Variants in SNX29 observed in about 807,000 individuals in gnomAD.
The protein encoded by SNX29 is sorting nexin 29, also known as sorting nexin-29.
A neutral mutation model predicts 102.1 loss-of-function variants in SNX29; 78 were observed. The ratio of observed to expected loss-of-function variants is 0.76; its 90% CI spans 0.64 to 0.92. The LOEUF (loss-of-function observed/expected upper bound fraction) is 0.92, where lower values mean the gene tolerates loss of function less well. SNX29 is among the 40% of genes least tolerant of loss of function. The probability of loss-of-function intolerance (pLI) is 0.00; values close to 1 mark genes in which losing one functional copy is unlikely to be tolerated. For synonymous variants in SNX29, 580 were observed against 414.5 expected (o/e 1.40, Z -4.85); for missense variants, 1,280 against 1,061.7 (o/e 1.21, Z -2.86).
chr16:12,152,973 G>GACAT (rs2055363017), intron 13 of SNX29, among the ~76,000 whole-genome samples: 1 of 152,184 alleles, frequency 6.6e-6, no homozygotes, highest in Non-Finnish European at 1.5e-5. Context: ...AACGTCCCCT[G>GACAT]CCATCCATCC....
intron 13 of SNX29, among the ~76,000 whole-genome samples, chr16:12,150,795 GC>G (rs2141584954): frequency 6.6e-6 from 1 of 152,302 alleles, no homozygotes; most frequent in Admixed American, 6.5e-5. Context: ...GCAGATTGGG[GC>G]TAATTTGTTT....
At chr16:12,144,867 G>A (rs111339715) in intron 13 of SNX29, among the ~76,000 whole-genome samples, 11 of 152,150 alleles carry the variant, frequency 7.2e-5, no homozygotes, top group Non-Finnish European at 1.5e-4. Context: ...GACTACAGGC[G>A]CCTGCCACCA....
intron 13 of SNX29, 44 bp downstream of exon 13, chr16:12,129,802 C>CA: frequency 6.4e-7 from 1 of 1,552,048 alleles, no homozygotes; most frequent in Non-Finnish European, 8.7e-7. Flanking sequence ...GTGGGGGCTT[C>CA]ATTAAAACCT....
chr16:12,366,796 T>C (rs1250168467), intron 16 of SNX29, among the ~76,000 whole-genome samples: 2 of 152,078 alleles, frequency 1.3e-5, no homozygotes, highest in African/African-American at 2.4e-5. Flanking sequence ...TCCCTCTCTC[T>C]CCTTTTGTTT....
intron 18 of SNX29, among the ~76,000 whole-genome samples, chr16:12,427,277 GT>G (rs140752117): frequency 6.7e-6 from 1 of 149,530 alleles, no homozygotes. Flanking sequence ...CGTTGCTGTT[GT>G]TTTTTTTTGT....
intron 14 of SNX29, among the ~76,000 whole-genome samples, chr16:12,239,299 A>C (rs1163661644): frequency 6.6e-6 from 1 of 152,108 alleles, no homozygotes; most frequent in African/African-American, 2.4e-5. Flanking sequence ...GGTGGTGTGT[A>C]GTGACCAGCT....
At chr16:12,496,309 A>G (rs1168641583) in intron 19 of SNX29, among the ~76,000 whole-genome samples, 2 of 152,048 alleles carry the variant, frequency 1.3e-5, no homozygotes, top group African/African-American at 4.8e-5. Flanking sequence ...GGTGGTGGTG[A>G]TGATAAGTAC....
chr16:12,477,855 A>G lies in SNX29; in HGVS notation c.2174A>G (p.Asn725Ser). 6.2e-7 allele frequency: 1 copy of G among 1,605,762 alleles called. No individual in the cohort carries two copies. Among genetic ancestry groups the G allele is most frequent in the Non-Finnish European group, 8.5e-7 (1 of 1,177,478 alleles). The change falls in exon 19 of 21, where the codon AAC becomes AGC. Residue 725 changes from asparagine to serine, a missense_variant. Coordinates refer to ENST00000566228, the MANE Select transcript of SNX29 (RefSeq NM_032167.5). ...YNFPPKKAIGNKDAKFVEERR... is the reference protein window; with the variant it reads ...YNFPPKKAIGSKDAKFVEERR... ...TTCCCACCCAAAAAGGCCATTGGAAACAAGGTACCATCCCGTGCTGGGAAG... is the reference window on the plus strand; with the variant it reads ...TTCCCACCCAAAAAGGCCATTGGAAGCAAGGTACCATCCCGTGCTGGGAAG...
At chr16:12,349,399 C>T (rs962695937) in intron 15 of SNX29, among the ~76,000 whole-genome samples, 2 of 152,210 alleles carry the variant, frequency 1.3e-5, no homozygotes, top group African/African-American at 4.8e-5. Context: ...ATGAACATTT[C>T]TAGTTTTCTT....
At chr16:12,362,034 G>C (rs931962444) in intron 16 of SNX29, among the ~76,000 whole-genome samples, 1 of 145,640 alleles carries the variant, frequency 6.9e-6, no homozygotes, top group Non-Finnish European at 1.5e-5. Context: ...CGAGTAGCCT[G>C]CTGAATTCCT....
chr16:12,144,525 G>T (rs1025742471), intron 13 of SNX29, among the ~76,000 whole-genome samples: 1 of 152,194 alleles, frequency 6.6e-6, no homozygotes, highest in African/African-American at 2.4e-5. Flanking sequence ...TTATAAAAGG[G>T]CTAGCTGGGC....
chr16:12,349,243 TG>T (rs1429093869), intron 15 of SNX29, among the ~76,000 whole-genome samples: 8 of 152,244 alleles, frequency 5.3e-5, no homozygotes, highest in Non-Finnish European at 1.2e-4. Context: ...GCATGGGCTT[TG>T]GAGCCCTAAT....
rs757878670 is a variant in SNX29 at position 12,027,441 on chromosome 16, A to G, written c.244A>G (p.Thr82Ala). 1 of 1,613,862 alleles carries G rather than the reference A, an allele frequency of 6.2e-7. No homozygotes were observed. The highest frequency in any genetic ancestry group is 1.1e-5 in the South Asian group (1 of 91,050). The change falls in exon 4 of 21, where the codon ACA (threonine) becomes GCA (alanine). Residue 82 changes from threonine (T) to alanine (A), a missense_variant. Coordinates refer to ENST00000566228, the MANE Select transcript of SNX29 (RefSeq NM_032167.5). Reference sequence around the variant, plus strand: ...AGCGGGCTTTGCCAGCAAAACCGAAACAGGTACTGCTCTGCCTGGCTGTAG... The same window carrying G: ...AGCGGGCTTTGCCAGCAAAACCGAAGCAGGTACTGCTCTGCCTGGCTGTAG... The part of the protein sequence containing the change: ...QAAGFASKTE[T>A]EPVFWYYVKE...
chr16:12,402,205 C>T (rs1384980038), intron 17 of SNX29, among the ~76,000 whole-genome samples: 2 of 152,230 alleles, frequency 1.3e-5, no homozygotes, highest in African/African-American at 4.8e-5. Context: ...CAAAGGAGGT[C>T]AGCTCCTCTG....
At chr16:12,389,164 G>C (rs907440543) in intron 16 of SNX29, among the ~76,000 whole-genome samples, 1 of 152,184 alleles carries the variant, frequency 6.6e-6, no homozygotes, top group Non-Finnish European at 1.5e-5. Flanking sequence ...CTCGGTTTTG[G>C]ACAGCTGCCT....
chr16:12,338,837 T>G (rs1266213816), intron 15 of SNX29, among the ~76,000 whole-genome samples: 1 of 152,214 alleles, frequency 6.6e-6, no homozygotes, highest in Non-Finnish European at 1.5e-5. Context: ...GAATATTTAT[T>G]GATTGAAAGA....
chr16:12,424,918 G>T (rs1257668967), intron 18 of SNX29, among the ~76,000 whole-genome samples: 1 of 152,230 alleles, frequency 6.6e-6, no homozygotes, highest in African/African-American at 2.4e-5. Flanking sequence ...TCAATAAATG[G>T]AGGATAACCC....
At chr16:12,419,778 G>C (rs533216768) in intron 18 of SNX29, among the ~76,000 whole-genome samples, 4 of 152,326 alleles carry the variant, frequency 2.6e-5, no homozygotes, top group Non-Finnish European at 5.9e-5. Flanking sequence ...GCCATACCAC[G>C]TGTCTGCTGA....
At chr16:12,382,887 C>G (rs528952580) in intron 16 of SNX29, among the ~76,000 whole-genome samples, 15 of 152,128 alleles carry the variant, frequency 9.9e-5, no homozygotes, top group Admixed American at 8.5e-4. Context: ...AGGACACCTG[C>G]CATGGGATTT....
Sources: allele counts gnomAD v4.1 joint callset (sites outside exome capture counted in the v4.1 genomes callset), GRCh38; gene constraint gnomAD v4.1.1; transcripts MANE v1.5; gene names NCBI Gene and HGNC (gene_info 2026-07-23, HGNC 2026-07-21).